Variants in CYP2C19 observed in about 807,000 individuals in gnomAD.
The protein encoded by CYP2C19 is cytochrome P450 2C19.
A neutral mutation model predicts 40.9 loss-of-function variants in CYP2C19; 59 were observed. The ratio of observed to expected loss-of-function variants is 1.44; its 90% CI spans 1.17 to 1.79. CYP2C19 has a LOEUF of 1.79. Among genes scored for constraint, CYP2C19 ranks in the 40% most tolerant of loss-of-function variants. The pLI is 0.00. For synonymous variants in CYP2C19, 253 were observed against 208.7 expected (o/e 1.21, Z -1.83); for missense variants, 754 against 596.9 (o/e 1.26, Z -2.74).
rs149770890 is a variant in CYP2C19 at position 94,840,646 on chromosome 10, G to A, written c.962-2191G>A. 1.6e-3 allele frequency among the ~76,000 whole-genome samples: 245 copies of A among 152,302 alleles called. No individual in the cohort carries two copies. The East Asian group carries it at 0.02, about 13-fold the overall frequency. ...ATGGGTCAGAAGGAAAGGTAGGGGC[G>A]CACGCATGTGTGACAGGTGAGTAGA... On this transcript the variant is annotated intron_variant, in intron 6 of 8. Transcript: ENST00000371321.
chr10:94,764,745 G>A (rs1379154486), intron 1 of CYP2C19, among the ~76,000 whole-genome samples: 1 of 152,160 alleles, frequency 6.6e-6, no homozygotes, highest in Non-Finnish European at 1.5e-5. Context: ...AAGACCATCT[G>A]TAGCTTGATG....
intron 5 of CYP2C19, among the ~76,000 whole-genome samples, chr10:94,811,244 G>A (rs1281614480): frequency 2.6e-5 from 4 of 152,142 alleles, no homozygotes; most frequent in Non-Finnish European, 5.9e-5. Flanking sequence ...TGGTCTAATA[G>A]GTTGTTTGCT....
intron 1 of CYP2C19, among the ~76,000 whole-genome samples, chr10:94,771,661 G>A (rs139621594): frequency 4.3e-4 from 65 of 152,076 alleles, no homozygotes; most frequent in Admixed American, 4.6e-4. Flanking sequence ...GTCTCTCATC[G>A]GAAAGACAAA....
chr10:94,782,244 C>T (rs770505413), intron 5 of CYP2C19, among the ~76,000 whole-genome samples: 7 of 151,994 alleles, frequency 4.6e-5, no homozygotes, highest in Non-Finnish European at 8.8e-5. Context: ...ATAAGGATGT[C>T]AGGATAGGAA....
chr10:94,852,694 A>G (rs1849671426), intron 8 of CYP2C19, 39 bp from the exon 9 acceptor site: 1 of 1,595,594 alleles, frequency 6.3e-7, no homozygotes, highest in South Asian at 1.1e-5. Flanking sequence ...TCACAGTTAC[A>G]CATGAGGAGT....
At chr10:94,808,223 T>C (rs1190731844) in intron 5 of CYP2C19, among the ~76,000 whole-genome samples, 4 of 152,156 alleles carry the variant, frequency 2.6e-5, no homozygotes. Context: ...CATGGGTCCA[T>C]GTGTCTGCTT....
At position 94,781,999 on chromosome 10, in the gene CYP2C19, T is replaced by C. The variant is rs72558186; in HGVS notation, c.819+2T>C. ...TGCTTCCTGATCAAAATGGAGAAGG[T>C]AAAATGTTAACAAAAGCTTAGTTAT... On this transcript the variant is annotated splice_donor_variant, in intron 5 of 8. Transcript: ENST00000371321. LOFTEE classifies it high-confidence loss of function. 2.0e-6 allele frequency: 3 copies of C among 1,535,118 alleles called. No homozygotes were observed. Among genetic ancestry groups the C allele is most frequent in the South Asian group, 1.3e-5 (1 of 74,732 alleles).
At chr10:94,828,064 G>T (rs1849259830) in intron 6 of CYP2C19, among the ~76,000 whole-genome samples, 1 of 152,070 alleles carries the variant, frequency 6.6e-6, no homozygotes, top group Non-Finnish European at 1.5e-5. Context: ...TACATTTGCT[G>T]AGGAGAGCTT....
intron 5 of CYP2C19, among the ~76,000 whole-genome samples, chr10:94,817,674 T>G (rs1486473896): frequency 6.6e-6 from 1 of 150,972 alleles, no homozygotes; most frequent in Admixed American, 6.6e-5. Context: ...TCCTGAATGG[T>G]AATGCCTAGG....
At chr10:94,782,041 T>A (rs766037854) in intron 5 of CYP2C19, 44 bp downstream of exon 5, 3 of 1,452,344 alleles carry the variant, frequency 2.1e-6, no homozygotes, top group Non-Finnish European at 2.8e-6. Context: ...GCTTGCGTAT[T>A]TGTGATTCAT....
rs183582247 is a variant in CYP2C19 at position 94,768,750 on chromosome 10, T to C, written c.168+5877T>C. On this transcript the variant is annotated intron_variant, in intron 1 of 8. Transcript: ENST00000371321. ...TTCCTTACTTAGGTATACCACTGGT[T>C]GTGGGGTTGTTTCACGAGTCTGAGT... Among the ~76,000 whole-genome samples the C allele has an allele frequency of 2.5e-3, 386 of 152,264 alleles. 3 individuals carry two copies. Among genetic ancestry groups the C allele is most frequent in the Non-Finnish European group, 4.1e-3 (280 of 68,014 alleles).
chr10:94,777,960 A>G (rs1168148129), intron 3 of CYP2C19, among the ~76,000 whole-genome samples: 2 of 151,016 alleles, frequency 1.3e-5, no homozygotes, highest in Admixed American at 6.6e-5. Flanking sequence ...AAAAAAGAAA[A>G]CAACAACAAC....
intron 5 of CYP2C19, among the ~76,000 whole-genome samples, chr10:94,818,087 C>T (rs1341973089): frequency 6.7e-6 from 1 of 149,136 alleles, no homozygotes; most frequent in African/African-American, 2.5e-5. Flanking sequence ...GGAAGGGATC[C>T]AGTTTCAGCT....
At chr10:94,835,576 C>T (rs1307610885) in intron 6 of CYP2C19, among the ~76,000 whole-genome samples, 1 of 152,016 alleles carries the variant, frequency 6.6e-6, no homozygotes, top group Non-Finnish European at 1.5e-5. Context: ...CGGTTCCCTT[C>T]TATTTTCCTT....
chr10:94,773,792 G>C (rs926233326), intron 1 of CYP2C19: 6 of 152,252 alleles, frequency 3.9e-5, no homozygotes, highest in African/African-American at 1.4e-4. Context: ...GCAGCAGCAA[G>C]ATTTATTGTG....
intron 5 of CYP2C19, among the ~76,000 whole-genome samples, chr10:94,794,129 G>A (rs745566719): frequency 6.6e-5 from 10 of 152,132 alleles, no homozygotes; most frequent in Non-Finnish European, 1.2e-4. Flanking sequence ...AGCATTGAGC[G>A]AGGTTCTGTG....
chr10:94,786,773 T>C (rs1848547943), intron 5 of CYP2C19, among the ~76,000 whole-genome samples: 1 of 152,160 alleles, frequency 6.6e-6, no homozygotes, highest in Non-Finnish European at 1.5e-5. Flanking sequence ...TGGCATTTGA[T>C]TTTCTGTTGC....
intron 8 of CYP2C19, among the ~76,000 whole-genome samples, chr10:94,850,416 T>G (rs985595660): frequency 9.2e-5 from 14 of 152,130 alleles, no homozygotes; most frequent in Non-Finnish European, 1.5e-4. Context: ...CTTCACTGAG[T>G]GTCTTCCACA....
chr10:94,764,049 G>A (rs1414250787), intron 1 of CYP2C19, among the ~76,000 whole-genome samples: 18 of 152,026 alleles, frequency 1.2e-4, no homozygotes, highest in East Asian at 1.2e-3. Flanking sequence ...TTCTGGTCTC[G>A]CTGGCTTCAG....
Sources: gnomAD v4.1 joint callset for allele counts (sites outside exome capture counted in the v4.1 genomes callset) on GRCh38, gnomAD v4.1.1 for gene constraint, MANE v1.5 for transcripts, NCBI Gene and HGNC (gene_info 2026-07-23, HGNC 2026-07-21) for gene names.